Variants in PRKAG2 observed in about 807,000 individuals in gnomAD.
PRKAG2 encodes the protein 5'-AMP-activated protein kinase subunit gamma-2.
A neutral mutation model predicts 69.6 loss-of-function variants in PRKAG2; 26 were observed. The ratio of observed to expected loss-of-function variants is 0.37; its 90% CI spans 0.27 to 0.52. PRKAG2 has a LOEUF of 0.52. PRKAG2 is among the 20% of genes least tolerant of loss of function. The pLI is 0.90. For synonymous variants in PRKAG2, 293 were observed against 285.0 expected, an observed-to-expected ratio of 1.03 and a Z score of -0.28; for missense variants, 557 against 740.0, an observed-to-expected ratio of 0.75 and a Z score of 2.87.
At position 151,771,721 on chromosome 7, in the gene PRKAG2, C is replaced by T. The variant is rs377541272; in HGVS notation, c.466+9431G>A. The stretch of plus-strand genomic sequence containing the variant: ...CTTCTGGTCTAGCACGTGTTTTTCA[C>T]GTTTATATTGTTGTTTTGTTTCATT... On this transcript the variant is annotated intron_variant, in intron 3 of 15. Coordinates refer to ENST00000287878, the MANE Select transcript of PRKAG2 (RefSeq NM_016203.4). This position sits in a 1 kb window ranked among gnomAD's most constrained non-coding sequence, Gnocchi z 4.0. Among the ~76,000 whole-genome samples the T allele has an allele frequency of 5.3e-5, 8 of 152,284 alleles. 1 individual carries two copies. In the South Asian group the frequency reaches 6.2e-4, roughly 12 times the overall value.
chr7:151,686,129 T>C (rs1364161326), intron 3 of PRKAG2, among the ~76,000 whole-genome samples: 2 of 152,056 alleles, frequency 1.3e-5, no homozygotes, highest in African/African-American at 4.8e-5. Context: ...TTCTCAAACC[T>C]GGCTGGGCCA....
Position 151,773,038 on chromosome 7 carries a change from AGAGAGAGAGAGAGAGGGAGGGAGGGAGG to A in PRKAG2, c.466+8086_466+8113del, listed in dbSNP as rs1222634073. Among the ~76,000 whole-genome samples the A allele has an allele frequency of 2.4e-3, 79 of 32,350 alleles. 1 individual carries two copies. The highest frequency in any genetic ancestry group is 7.5e-3 in the African/African-American group (72 of 9,554). The allele number at this position is 32,350 out of a possible 152,430, so 21.2% of individuals were successfully genotyped here. A position where few individuals can be genotyped will look rare whatever the true frequency, so the allele number is the denominator to read the frequency against. ...GAAAGAAAGAAAGAGAGAGAGAGAG[AGAGAGAGAGAGAGAGGGAGGGAGGGAGG>A]GAGGGAGGGAGGGAGGGAGGGAGGG... On this transcript the variant is annotated intron_variant, in intron 3 of 15. Coordinates refer to ENST00000287878, the MANE Select transcript of PRKAG2 (RefSeq NM_016203.4).
intron 2 of PRKAG2, among the ~76,000 whole-genome samples, chr7:151,782,651 G>A (rs1401509428): frequency 6.6e-6 from 1 of 152,136 alleles, no homozygotes; most frequent in African/African-American, 2.4e-5. Flanking sequence ...GCCGGTATTT[G>A]GCCCCTGCTC....
chr7:151,698,175 C>G (rs577751763), intron 3 of PRKAG2, among the ~76,000 whole-genome samples: 1 of 152,082 alleles, frequency 6.6e-6, no homozygotes, highest in African/African-American at 2.4e-5. Flanking sequence ...GGAGGAGCGC[C>G]GCCAGCTTGG....
At chr7:151,587,741 A>C (rs1256971484) in intron 6 of PRKAG2, among the ~76,000 whole-genome samples, 1 of 152,202 alleles carries the variant, frequency 6.6e-6, no homozygotes, top group Non-Finnish European at 1.5e-5. Context: ...CCTGTCTGAG[A>C]AGCTGTCCCA....
At chr7:151,727,910 TCTG>T (rs1187688558) in intron 3 of PRKAG2, among the ~76,000 whole-genome samples, 1 of 152,152 alleles carries the variant, frequency 6.6e-6, no homozygotes, top group Non-Finnish European at 1.5e-5. Context: ...TCCTCCTGGG[TCTG>T]CTTTGAGCCC....
chr7:151,569,562 A>G (rs116828423), intron 10 of PRKAG2, among the ~76,000 whole-genome samples: 4 of 152,212 alleles, frequency 2.6e-5, no homozygotes, highest in Non-Finnish European at 2.9e-5. Context: ...CTCTCCTGGG[A>G]CTGCCAGTAA....
At chr7:151,837,895 G>A (rs929652410) in intron 1 of PRKAG2, among the ~76,000 whole-genome samples, 6 of 152,128 alleles carry the variant, frequency 3.9e-5, no homozygotes, top group African/African-American at 1.4e-4. Context: ...CGGTAAAGCC[G>A]GGATCTGAGC....
At chr7:151,700,077 A>G (rs575935698) in intron 3 of PRKAG2, among the ~76,000 whole-genome samples, 1 of 152,326 alleles carries the variant, frequency 6.6e-6, no homozygotes, top group African/African-American at 2.4e-5. Context: ...TTGTCCTGTC[A>G]TCTCATAGGA....
At position 151,594,869 on chromosome 7, in the gene PRKAG2, G is replaced by T. The variant is rs145137167; in HGVS notation, c.864+476C>A. Among the ~76,000 whole-genome samples, 264 of 152,162 alleles carry T rather than the reference G, an allele frequency of 1.7e-3. 1 individual carries two copies. The highest frequency in any genetic ancestry group is 6.2e-3 in the African/African-American group (258 of 41,508). On this transcript the variant is annotated intron_variant, in intron 6 of 15. Coordinates refer to ENST00000287878, the MANE Select transcript of PRKAG2 (RefSeq NM_016203.4). ...GCTGGAGTGCAGTGGCACAAGCTCG[G>T]CTCACTGCAACCTCTGCCTCCTGGG... is the stretch of plus-strand genomic sequence containing the variant.
chr7:151,571,024 G>A, intron 9 of PRKAG2, among the ~76,000 whole-genome samples: 1 of 151,506 alleles, frequency 6.6e-6, no homozygotes, highest in Non-Finnish European at 1.5e-5. Context: ...ACCTACTTCA[G>A]CCTCCCAAAG....
intron 1 of PRKAG2, among the ~76,000 whole-genome samples, chr7:151,870,168 GGC>G (rs1173379652): frequency 8.6e-5 from 13 of 151,430 alleles, no homozygotes; most frequent in African/African-American, 3.2e-4. Context: ...CAGGCAGGCA[GGC>G]AGGCAGGCAG....
chr7:151,660,407 T>C (rs1254597838), intron 4 of PRKAG2, among the ~76,000 whole-genome samples: 1 of 152,228 alleles, frequency 6.6e-6, no homozygotes, highest in Non-Finnish European at 1.5e-5. Context: ...TGATTCATAG[T>C]GAGCCATTCT....
intron 3 of PRKAG2, among the ~76,000 whole-genome samples, chr7:151,711,606 C>T (rs931590382): frequency 2.0e-5 from 3 of 152,186 alleles, no homozygotes; most frequent in Non-Finnish European, 2.9e-5. Flanking sequence ...CTATTGCTTC[C>T]TTTAATCTCC....
At chr7:151,585,657 GATT>G (rs1372972268) in intron 6 of PRKAG2, among the ~76,000 whole-genome samples, 2 of 152,140 alleles carry the variant, frequency 1.3e-5, no homozygotes, top group South Asian at 2.1e-4. Context: ...TCTGCGTTTC[GATT>G]ATTATCAGCT....
chr7:151,866,033 A>G (rs1399722528), intron 1 of PRKAG2, among the ~76,000 whole-genome samples: 1 of 151,876 alleles, frequency 6.6e-6, no homozygotes, highest in Non-Finnish European at 1.5e-5. Context: ...AAAAAAAAAA[A>G]AAGAAAAAGA....
chr7:151,789,933 C>T (rs759706172), intron 1 of PRKAG2, among the ~76,000 whole-genome samples: 4 of 152,164 alleles, frequency 2.6e-5, no homozygotes, highest in Non-Finnish European at 4.4e-5. Flanking sequence ...TTCTCTGTTC[C>T]GGTCTCCTCC....
chr7:151,838,668 C>T (rs542504762), intron 1 of PRKAG2, among the ~76,000 whole-genome samples: 1 of 149,094 alleles, frequency 6.7e-6, no homozygotes, highest in East Asian at 2.0e-4. Flanking sequence ...GTTTGCTCCA[C>T]TGCACTCCAG....
At chr7:151,597,763 T>TAAACA (rs61457059) in intron 5 of PRKAG2, among the ~76,000 whole-genome samples, 34 of 139,782 alleles carry the variant, frequency 2.4e-4, no homozygotes, top group Non-Finnish European at 4.3e-4. Context: ...ATGGCTATTA[T>TAAACA]AAACAAAACA....
Sources: gnomAD v4.1 joint callset for allele counts (sites outside exome capture counted in the v4.1 genomes callset) on GRCh38, gnomAD v4.1.1 for gene constraint, Gnocchi (gnomAD v3.1) non-coding constraint, MANE v1.5 for transcripts, NCBI Gene and HGNC (gene_info 2026-07-23, HGNC 2026-07-21) for gene names.